The following DENND5B variants were observed in gnomAD, a reference collection of about 807,000 sequenced individuals.
The protein encoded by DENND5B is DENN domain containing 5B.
In DENND5B, 34 loss-of-function variants were observed where a neutral mutation model predicts 140.6. The observed-to-expected ratio is 0.24, with a 90% CI of 0.18 to 0.32. The LOEUF (loss-of-function observed/expected upper bound fraction) is 0.32, where lower values mean the gene tolerates loss of function less well. DENND5B is among the 10% of genes least tolerant of loss of function. The pLI, the probability that DENND5B is intolerant of heterozygous loss-of-function variation, is 1.00. For synonymous variants in DENND5B, 551 were observed against 562.1 expected, an observed-to-expected ratio of 0.98 and a Z score of 0.28; for missense variants, 1,142 against 1,560.2, an observed-to-expected ratio of 0.73 and a Z score of 4.52.
At position 31,587,413 on chromosome 12, in the gene DENND5B, C is replaced by T. The variant is rs139882674; in HGVS notation, c.127+3293G>A. Among the ~76,000 whole-genome samples the T allele has an allele frequency of 5.1e-3, 769 of 150,460 alleles. 3 individuals are homozygous for T. The highest frequency in any genetic ancestry group is 8.5e-3 in the Non-Finnish European group (573 of 67,622). ...GACTACCATATTCATAGAATTCATA[C>T]ATATTCATATAAATCATCAGCAAAT... On this transcript the variant is annotated intron_variant, in intron 1 of 20. Coordinates refer to ENST00000389082, the MANE Select transcript of DENND5B (RefSeq NM_144973.4).
At chr12:31,458,825 T>C (rs1348248877) in intron 4 of DENND5B, among the ~76,000 whole-genome samples, 1 of 152,214 alleles carries the variant, frequency 6.6e-6, no homozygotes, top group Non-Finnish European at 1.5e-5. Context: ...ATAATGTAAT[T>C]AATCATCTTA....
chr12:31,559,684 T>C (rs1172488450), intron 1 of DENND5B, among the ~76,000 whole-genome samples: 6 of 152,026 alleles, frequency 3.9e-5, no homozygotes. Flanking sequence ...AGTTTAATCA[T>C]GGATTTAAGA....
chr12:31,471,408 G>A (rs550037279), intron 3 of DENND5B, among the ~76,000 whole-genome samples: 3 of 151,846 alleles, frequency 2.0e-5, no homozygotes, highest in Non-Finnish European at 2.9e-5. Flanking sequence ...TGCAATTCTC[G>A]GGCCTCAGCC....
In DENND5B at chr12:31,576,143, A is replaced by C. The variant is rs1248304236; in HGVS notation, c.127+14563T>G. The stretch of plus-strand genomic sequence containing the variant: ...GTGACAGAGCAAGGCTCTGTCTCCA[A>C]AAAAAAAAAAAAAAAGAAGAATGAG... On this transcript the variant is annotated intron_variant, in intron 1 of 20. Coordinates refer to ENST00000389082, the MANE Select transcript of DENND5B (RefSeq NM_144973.4). 7.0e-4 allele frequency among the ~76,000 whole-genome samples: 59 copies of C among 84,196 alleles called. 1 individual carries two copies. The highest frequency in any genetic ancestry group is 9.8e-4 in the Non-Finnish European group (45 of 45,776). The allele number at this position is 84,196 out of a possible 152,430, so 55.2% of individuals were successfully genotyped here.
In DENND5B at chr12:31,463,249, G is replaced by C. The variant is rs1375627207; in HGVS notation, c.905-2868C>G. Among the ~76,000 whole-genome samples, 4 of 151,786 alleles carry C rather than the reference G, an allele frequency of 2.6e-5. No homozygotes were observed. In the South Asian group the frequency reaches 8.3e-4, roughly 32 times the overall value. On this transcript the variant is annotated intron_variant, in intron 3 of 20. Coordinates refer to ENST00000389082, the MANE Select transcript of DENND5B (RefSeq NM_144973.4). ...ACTCCAGGCCTGGGTGACAGAGTGA[G>C]ATTCTGTCTCAAAAAAACAAAAAAC...
intron 1 of DENND5B, among the ~76,000 whole-genome samples, chr12:31,546,706 A>G (rs756910252): frequency 1.5e-4 from 23 of 152,104 alleles, no homozygotes; most frequent in Non-Finnish European, 2.6e-4. Context: ...TATTTCCAAG[A>G]GTATAAAATT....
At chr12:31,402,913 A>C (rs1351066348) in intron 14 of DENND5B, among the ~76,000 whole-genome samples, 1 of 152,204 alleles carries the variant, frequency 6.6e-6, no homozygotes, top group Non-Finnish European at 1.5e-5. Flanking sequence ...CATTAAACGT[A>C]TGAACAATCT....
chr12:31,495,505 A>G (rs533402381), intron 2 of DENND5B, among the ~76,000 whole-genome samples: 5 of 150,770 alleles, frequency 3.3e-5, no homozygotes, highest in Admixed American at 2.7e-4. Context: ...CAGCCTCCCG[A>G]GTAGCTGGGA....
intron 1 of DENND5B, among the ~76,000 whole-genome samples, chr12:31,551,008 A>G (rs1399404037): frequency 6.6e-6 from 1 of 152,044 alleles, no homozygotes; most frequent in African/African-American, 2.4e-5. Flanking sequence ...CCCATTTTGT[A>G]GGTTGCCTGT....
intron 3 of DENND5B, among the ~76,000 whole-genome samples, chr12:31,461,132 T>G (rs1224883596): frequency 6.6e-6 from 1 of 152,184 alleles, no homozygotes; most frequent in Admixed American, 6.6e-5. Flanking sequence ...CAGGCTGGAG[T>G]GCAGTGGCAT....
rs538327907 is a variant in DENND5B at position 31,513,390 on chromosome 12, A to G, written c.128-17471T>C. 6.6e-5 allele frequency among the ~76,000 whole-genome samples: 10 copies of G among 152,302 alleles called. No homozygotes were observed. In the East Asian group the frequency reaches 1.9e-3, roughly 29 times the overall value. On this transcript the variant is annotated intron_variant, in intron 1 of 20. Transcript: ENST00000389082. ...CCCAACCCACATTTTAGAAATAGAG[A>G]GTTATACTTCACCTCTTGAGGGTAA...
At chr12:31,464,266 A>G (rs574293935) in intron 3 of DENND5B, among the ~76,000 whole-genome samples, 127 of 152,296 alleles carry the variant, frequency 8.3e-4, no homozygotes, top group African/African-American at 3.0e-3. Flanking sequence ...ATGTTTTCAC[A>G]GGCCTTGTGC....
chr12:31,555,385 A>C (rs1026911303), intron 1 of DENND5B, among the ~76,000 whole-genome samples: 3 of 152,218 alleles, frequency 2.0e-5, no homozygotes, highest in Admixed American at 6.5e-5. Flanking sequence ...GGTGAACCGC[A>C]GATGCTGCTG....
chr12:31,502,201 G>T (rs1011561463), intron 1 of DENND5B, among the ~76,000 whole-genome samples: 11 of 152,050 alleles, frequency 7.2e-5, no homozygotes, highest in Non-Finnish European at 1.3e-4. Context: ...TGTAGTCCCA[G>T]CTACTTGGGA....
Position 31,590,852 on chromosome 12 carries a change from G to C in DENND5B, c.-20C>G. 2 of 1,208,062 alleles carry C rather than the reference G, an allele frequency of 1.7e-6. No individual in the cohort carries two copies. The highest frequency in any genetic ancestry group is 2.0e-6 in the Non-Finnish European group (2 of 975,808). The allele number at this position is 1,208,062 out of a possible 1,614,324, so 74.8% of individuals were successfully genotyped here. The stretch of plus-strand genomic sequence containing the variant: ...GCTCATCCCGGCCGCGCTGCTCCAG[G>C]GGCCGCCGCCGCCGCCGCCCGGGAA... On this transcript the variant is annotated 5_prime_UTR_variant, in exon 1 of 21. Transcript: ENST00000389082.
chr12:31,536,706 G>T (rs918273050), intron 1 of DENND5B, among the ~76,000 whole-genome samples: 2 of 151,978 alleles, frequency 1.3e-5, no homozygotes, highest in Non-Finnish European at 2.9e-5. Context: ...CCTAGGAAAG[G>T]TTATCAATAT....
At chr12:31,529,376 T>C (rs1319341516) in intron 1 of DENND5B, among the ~76,000 whole-genome samples, 1 of 152,066 alleles carries the variant, frequency 6.6e-6, no homozygotes, top group Admixed American at 6.6e-5. Flanking sequence ...CACTCAAAGA[T>C]CTTGGAAGAT....
chr12:31,410,887 A>G (rs1201634052), intron 13 of DENND5B, among the ~76,000 whole-genome samples: 2 of 152,228 alleles, frequency 1.3e-5, no homozygotes, highest in Admixed American at 6.5e-5. Context: ...AAAGGATGAT[A>G]TTGAATCGCA....
chr12:31,566,338 C>CTGTGTGTGTGTGTGTG (rs6144677), intron 1 of DENND5B, among the ~76,000 whole-genome samples: 37 of 148,600 alleles, frequency 2.5e-4, no homozygotes, highest in East Asian at 1.6e-3. Context: ...CTCTTAAAAA[C>CTGTGTGTGTGTGTGTG]TGTGTGTGTG....
Sources: gnomAD v4.1 joint callset for allele counts (sites outside exome capture counted in the v4.1 genomes callset) on GRCh38, gnomAD v4.1.1 for gene constraint, MANE v1.5 for transcripts, NCBI Gene and HGNC (gene_info 2026-07-23, HGNC 2026-07-21) for gene names.